The following CLVS1 variants were observed in gnomAD, a reference collection of about 807,000 sequenced individuals.
CLVS1 encodes clavesin-1.
CLVS1 carries 10 observed loss-of-function variants against 33.1 expected under a neutral mutation model. The observed-to-expected ratio is 0.30, with a 90% confidence interval of 0.19 to 0.51. The LOEUF (loss-of-function observed/expected upper bound fraction) is 0.51, where lower values mean the gene tolerates loss of function less well. CLVS1 is among the 20% of genes least tolerant of loss of function. The probability of loss-of-function intolerance (pLI) is 0.97; values close to 1 mark genes in which losing one functional copy is unlikely to be tolerated. For missense variants in CLVS1, 343 were observed against 433.4 expected (o/e 0.79, Z 1.85); for synonymous variants, 163 against 166.1 (o/e 0.98, Z 0.14).
In CLVS1 at chr8:61,333,372, T is replaced by C. The variant is rs1036215227; in HGVS notation, c.455+33090T>C. 3.9e-5 allele frequency among the ~76,000 whole-genome samples: 6 copies of C among 152,280 alleles called. No homozygotes were observed. In the South Asian group the frequency reaches 8.3e-4, roughly 21 times the overall value. ...AATCTTTACAGGCCACAGATCTTTA[T>C]AGGGTCCTATAAAGATTTCAAGAAT... is the stretch of plus-strand genomic sequence containing the variant. On this transcript the variant is annotated intron_variant, in intron 2 of 5. Coordinates refer to ENST00000325897, the MANE Select transcript of CLVS1 (RefSeq NM_173519.3).
rs373013601 is a variant in CLVS1 at position 61,456,957 on chromosome 8, A to T, written c.742-1350A>T. ...ATACATATAGATTTTTTTTTTCCCGAGTTGGAGTCTTGTTCTGTTGCCCAG... is the reference window on the plus strand; with the variant it reads ...ATACATATAGATTTTTTTTTTCCCGTGTTGGAGTCTTGTTCTGTTGCCCAG... On this transcript the variant is annotated intron_variant, in intron 4 of 5. Transcript: ENST00000325897. 1.3e-4 allele frequency among the ~76,000 whole-genome samples: 19 copies of T among 147,510 alleles called. No homozygotes were observed. In the East Asian group the frequency reaches 2.9e-3, roughly 22 times the overall value.
At chr8:61,149,551 C>CAAAAAAAAAAAAAAAAAAAAAAAAA (rs1166606940) in intron 2 of CLVS1, among the ~76,000 whole-genome samples, 16 of 51,992 alleles carry the variant, frequency 3.1e-4, no homozygotes, top group Non-Finnish European at 5.7e-4. Context: ...GACTCTGTCT[C>CAAAAAAAAAAAAAAAAAAAAAAAAA]AAAAAAAAAA....
chr8:61,385,969 T>A (rs535037905), intron 3 of CLVS1, among the ~76,000 whole-genome samples: 48 of 152,224 alleles, frequency 3.2e-4, no homozygotes, highest in Non-Finnish European at 6.5e-4. Flanking sequence ...TTTGAGGGAC[T>A]TTTTTGTTGC....
chr8:60,976,244 G>C, the CLVS1 span, among the ~76,000 whole-genome samples: 1 of 152,162 alleles, frequency 6.6e-6, no homozygotes, highest in Admixed American at 6.5e-5. Context: ...TCCCTGATGA[G>C]AGACTATGAA....
intron 2 of CLVS1, among the ~76,000 whole-genome samples, chr8:61,211,583 G>A (rs144850060): frequency 2.6e-5 from 4 of 152,288 alleles, no homozygotes; most frequent in African/African-American, 7.2e-5. Context: ...CTCATGAGTC[G>A]TTCATGATTT....
At chr8:61,291,095 A>T (rs2129593818) in intron 1 of CLVS1, among the ~76,000 whole-genome samples, 1 of 152,306 alleles carries the variant, frequency 6.6e-6, no homozygotes, top group South Asian at 2.1e-4. Context: ...CCTGCCCCAT[A>T]AAAAGCTTCC....
At chr8:60,991,669 T>TAG in the CLVS1 span, among the ~76,000 whole-genome samples, 1 of 151,800 alleles carries the variant, frequency 6.6e-6, no homozygotes, top group Non-Finnish European at 1.5e-5. Context: ...ATGCTCCCTC[T>TAG]AATGTGGAAT....
rs5891799 is a variant in CLVS1, at chr8:61,292,117, GTT to G, written c.-152+3991_-152+3992del. 2,506 of 250,978 alleles carry G rather than the reference GTT, an allele frequency of 1.0e-2. 34 individuals carry two copies. The highest frequency in any genetic ancestry group is 0.036 in the African/African-American group (1,576 of 43,596). The allele number at this position is 250,978 out of a possible 1,614,324, so 15.5% of individuals were successfully genotyped here. On this transcript the variant is annotated intron_variant, in intron 1 of 5. Transcript: ENST00000325897. Reference sequence around the variant, plus strand: ...CTTTGAGAAGCCAGGGCAAAGAAAAGTTTTTTTTTTTTTAATATTCTCACTTT... The same window carrying G: ...CTTTGAGAAGCCAGGGCAAAGAAAAGTTTTTTTTTTTAATATTCTCACTTT...
chr8:61,051,694 T>C, the CLVS1 span, among the ~76,000 whole-genome samples: 5 of 152,262 alleles, frequency 3.3e-5, no homozygotes, highest in Non-Finnish European at 5.9e-5. Context: ...ACTGGGTGTC[T>C]TTCTTGGTTC....
At position 61,379,825 on chromosome 8, in the gene CLVS1, G is replaced by A. The variant is rs1004702637; in HGVS notation, c.630+3046G>A. ...GTGAAGCCTCGGACATTCTGAAGCC[G>A]GAATGAGCATTTGCAGTTTGACTTA... On this transcript the variant is annotated intron_variant, in intron 3 of 5. Coordinates refer to ENST00000325897, the MANE Select transcript of CLVS1 (RefSeq NM_173519.3). 9.2e-5 allele frequency among the ~76,000 whole-genome samples: 14 copies of A among 152,212 alleles called. No homozygotes were observed. The East Asian group carries it at 9.7e-4, about 11-fold the overall frequency.
intron 5 of CLVS1, among the ~76,000 whole-genome samples, chr8:61,478,318 A>G (rs1818043160): frequency 6.6e-6 from 1 of 152,198 alleles, no homozygotes; most frequent in African/African-American, 2.4e-5. Flanking sequence ...AGAGTTCTGT[A>G]GATGTCTATT....
chr8:61,368,022 C>T (rs1813284515), intron 2 of CLVS1, among the ~76,000 whole-genome samples: 1 of 152,150 alleles, frequency 6.6e-6, no homozygotes, highest in Non-Finnish European at 1.5e-5. Flanking sequence ...GAAATAGATG[C>T]ATTTGATGCT....
intron 2 of CLVS1, among the ~76,000 whole-genome samples, chr8:61,259,562 A>G (rs1809155249): frequency 6.6e-6 from 1 of 152,244 alleles, no homozygotes; most frequent in Non-Finnish European, 1.5e-5. Context: ...ACTGCAGCCA[A>G]GGCTTTTAGG....
the CLVS1 span, among the ~76,000 whole-genome samples, chr8:60,985,590 G>C: frequency 6.6e-6 from 1 of 152,136 alleles, no homozygotes; most frequent in African/African-American, 2.4e-5. Flanking sequence ...TGCTGAAACA[G>C]AGTAATAATA....
At chr8:61,128,250 T>C (rs1246077145) in intron 1 of CLVS1, among the ~76,000 whole-genome samples, 2 of 152,230 alleles carry the variant, frequency 1.3e-5, no homozygotes, top group Non-Finnish European at 2.9e-5. Flanking sequence ...TGATCTCACT[T>C]GTTTCCAGGA....
At chr8:61,256,406 G>C (rs964073136) in intron 2 of CLVS1, among the ~76,000 whole-genome samples, 4 of 152,172 alleles carry the variant, frequency 2.6e-5, no homozygotes, top group African/African-American at 9.6e-5. Context: ...CCAGCTACTT[G>C]AAAGGCTGAG....
rs150307173 is a variant in CLVS1, at chr8:61,087,574, G to A, written c.-243+30344G>A. ...TAGAACCTAGGTGGCATACTGTGACGTGCCTGGTGGGAGGAAGTGAGGGAA... is the reference window on the plus strand; with the variant it reads ...TAGAACCTAGGTGGCATACTGTGACATGCCTGGTGGGAGGAAGTGAGGGAA... On this transcript the variant is annotated intron_variant, in intron 1 of 2. Transcript: ENST00000522621. Among the ~76,000 whole-genome samples the A allele has an allele frequency of 5.5e-4, 84 of 152,258 alleles. 1 individual carries two copies. Among genetic ancestry groups the A allele is most frequent in the African/African-American group, 1.9e-3 (78 of 41,548 alleles).
At chr8:61,492,536 C>G (rs140766784) in intron 5 of CLVS1, among the ~76,000 whole-genome samples, 1 of 152,054 alleles carries the variant, frequency 6.6e-6, no homozygotes, top group African/African-American at 2.4e-5. Context: ...GGGGGTCTTT[C>G]TTCTTTGTTA....
At chr8:61,490,854 T>C (rs570246838) in intron 5 of CLVS1, among the ~76,000 whole-genome samples, 2 of 149,036 alleles carry the variant, frequency 1.3e-5, no homozygotes, top group East Asian at 4.0e-4. Context: ...GCTACTCTAC[T>C]TGAGGCTGAA....
Sources: allele counts gnomAD v4.1 joint callset (sites outside exome capture counted in the v4.1 genomes callset), GRCh38; gene constraint gnomAD v4.1.1; transcripts MANE v1.5; gene names NCBI Gene and HGNC (gene_info 2026-07-23, HGNC 2026-07-21).